The following ECEL1 variants were observed in gnomAD, a reference collection of about 807,000 sequenced individuals.
ECEL1 encodes endothelin converting enzyme like 1, also known as endothelin-converting enzyme-like 1.
ECEL1 carries 87 observed loss-of-function variants against 101.8 expected under a neutral mutation model. That is an observed-to-expected ratio of 0.85 (90% confidence interval 0.72 to 1.02). ECEL1 has a LOEUF of 1.02. ECEL1 is among the 50% of genes least tolerant of loss of function. The probability of loss-of-function intolerance (pLI) is 0.00; values close to 1 mark genes in which losing one functional copy is unlikely to be tolerated. For synonymous variants in ECEL1, 487 were observed against 468.7 expected, an observed-to-expected ratio of 1.04 and a Z score of -0.50; for missense variants, 1,032 against 1,079.2, an observed-to-expected ratio of 0.96 and a Z score of 0.61.
At position 232,486,041 on chromosome 2, in the gene ECEL1, T is replaced by A; in HGVS notation, c.613A>T (p.Ile205Phe). 1.9e-6 allele frequency: 3 copies of A among 1,609,222 alleles called. No individual in the cohort carries two copies. The highest frequency in any genetic ancestry group is 2.5e-6 in the Non-Finnish European group (3 of 1,178,708). Residue 205 changes from isoleucine to phenylalanine, a missense_variant, in exon 2 of 18, where the codon ATC becomes TTC. By Grantham distance (21) the Ile-to-Phe change is conservative. Transcript: ENST00000304546. ...RLGPRPMLEVIEDCGGWDLGG... is the reference protein window; with the variant it reads ...RLGPRPMLEVFEDCGGWDLGG... ...AGGTCCCAGCCCCCGCAGTCCTCGATGACCTCTAGCATGGGTCGCGGGCCC... is the reference window on the plus strand; with the variant it reads ...AGGTCCCAGCCCCCGCAGTCCTCGAAGACCTCTAGCATGGGTCGCGGGCCC...
At position 232,479,914 on chromosome 2, in the gene ECEL1, C is replaced by T. The variant is rs528688737; in HGVS notation, c.*239G>A. On this transcript the variant is annotated 3_prime_UTR_variant, in exon 18 of 18. Coordinates refer to ENST00000304546, the MANE Select transcript of ECEL1 (RefSeq NM_004826.4). Reference sequence around the variant, plus strand: ...CAATCCAGCCTGGCAGAGGGTCTGGCCCCCTTAGAGCAGAATCTGGGGACC... The same window carrying T: ...CAATCCAGCCTGGCAGAGGGTCTGGTCCCCTTAGAGCAGAATCTGGGGACC... The T allele has an allele frequency of 5.9e-4, 337 of 572,668 alleles. 2 individuals are homozygous for T. Among genetic ancestry groups the T allele is most frequent in the Middle Eastern group, 4.7e-4 (1 of 2,136 alleles). 35.5% of individuals were successfully genotyped at this position (572,668 alleles called of 1,614,324 possible).
In ECEL1 at chr2:232,486,126, G is replaced by A; in HGVS notation, c.528C>T (p.Ala176=). ...ARPGGGPGGA[A]QRKVRAFFRS... ...GGAAGAAGGCGCGCACCTTGCGCTG[G>A]GCCGCGCCGCCAGGCCCACCCCCGG... Residue 176 remains alanine (A), a synonymous_variant, in exon 2 of 18, where the codon GCC becomes GCT. Transcript: ENST00000304546. 6.4e-7 allele frequency: 1 copy of A among 1,567,760 alleles called. No homozygotes were observed. Among genetic ancestry groups the A allele is most frequent in the East Asian group, 2.3e-5 (1 of 42,612 alleles).
rs776303095 is a variant in ECEL1, at chr2:232,483,099, G to A, written c.1581+6C>T. 12 of 1,608,872 alleles carry A rather than the reference G, an allele frequency of 7.5e-6. No individual in the cohort carries two copies. In the South Asian group the frequency reaches 1.2e-4, roughly 16 times the overall value. On this transcript the variant is annotated splice_donor_region_variant and intron_variant, in intron 9 of 17. Coordinates refer to ENST00000304546, the MANE Select transcript of ECEL1 (RefSeq NM_004826.4). ...GACAGGCTGGGCAGGCAGGGTCAGG[G>A]CCCACCTCATACTCCTTGTCCACAG...
In ECEL1 at chr2:232,484,141, C is replaced by G. The variant is rs41265123; in HGVS notation, c.1267G>C (p.Glu423Gln). The G allele has an allele frequency of 0.017, 27,740 of 1,613,730 alleles. 311 individuals are homozygous for G. Among genetic ancestry groups the G allele is most frequent in the Non-Finnish European group, 0.021 (24,420 of 1,180,022 alleles). The change falls in exon 7 of 18, where the codon GAG (glutamate) becomes CAG (glutamine). Residue 423 changes from glutamate to glutamine, a missense_variant. Glu to Gln is a conservative substitution (Grantham distance 29). Transcript: ENST00000304546. ...LSPPFREALH[E>Q]LAQEMEGSDK... ...CTGCCCTCCATCTCCTGTGCCAGCT[C>G]GTGCAGTGCCTCACGGAATGGCGGG...
intron 14 of ECEL1, 74 bp from the exon 15 acceptor site, chr2:232,481,230 C>T (rs985868502): frequency 2.0e-6 from 3 of 1,516,074 alleles, no homozygotes; most frequent in African/African-American, 2.8e-5. Context: ...TACCCTGGGC[C>T]CCAGCCCCTA....
Position 232,480,414 on chromosome 2 carries a change from G to T in ECEL1, c.2213C>A (p.Ala738Asp), listed in dbSNP as rs770543976. 2 of 1,613,920 alleles carry T rather than the reference G, an allele frequency of 1.2e-6. No individual in the cohort carries two copies. Among genetic ancestry groups the T allele is most frequent in the Non-Finnish European group, 1.7e-6 (2 of 1,180,016 alleles). Residue 738 changes from alanine to aspartate, a missense_variant, in exon 17 of 18, where the codon GCC (alanine) becomes GAC (aspartate). Transcript: ENST00000304546. ...IYLQVLTDKH[A>D]PEHYRVLGSV... ...GTGGGCATACCTGTAGTGCTCAGGG[G>T]CATGCTTGTCAGTCAGCACCTGCAG...
chr2:232,481,581 G>A lies in ECEL1; in HGVS notation c.1914C>T (p.Ala638=). ...SGNLLHWWTE[A]SYSRFLRKAE... Reference sequence around the variant, plus strand: ...CCTTTCGCAGGAAGCGGCTGTAGGAGGCCTCCGTCCACCAGTGCAGCAGGT... The same window carrying A: ...CCTTTCGCAGGAAGCGGCTGTAGGAAGCCTCCGTCCACCAGTGCAGCAGGT... Residue 638 remains alanine (A), a synonymous_variant, in exon 14 of 18, where the codon GCC becomes GCT. Coordinates refer to ENST00000304546, the MANE Select transcript of ECEL1 (RefSeq NM_004826.4). 6.2e-7 allele frequency: 1 copy of A among 1,613,838 alleles called. No individual in the cohort carries two copies. Among genetic ancestry groups the A allele is most frequent in the Non-Finnish European group, 8.5e-7 (1 of 1,180,016 alleles).
intron 5 of ECEL1, 89 bp downstream of exon 5, chr2:232,484,712 T>C: frequency 2.5e-6 from 4 of 1,603,390 alleles, no homozygotes; most frequent in South Asian, 2.2e-5. Flanking sequence ...AGGAACGGTT[T>C]GCCCATCTCT....
Position 232,480,459 on chromosome 2 carries a change from C to T in ECEL1, c.2168G>A (p.Arg723Gln), listed in dbSNP as rs756783754. ...IAFAQNWCIK[R>Q]RSQSIYLQVL... ...CTGCAGGTAGATGGACTGCGACCGC[C>T]GCTTGATGCACCAGTTCTGGGTCCA... Residue 723 changes from arginine to glutamine, a missense_variant, in exon 17 of 18, where the codon CGG becomes CAG. Arg to Gln is a conservative substitution (Grantham distance 43, BLOSUM62 1). Transcript: ENST00000304546. The T allele has an allele frequency of 9.9e-6, 16 of 1,613,808 alleles. No homozygotes were observed. The East Asian group carries it at 2.0e-4, about 20-fold the overall frequency.
rs1389718829 is a variant in ECEL1 at position 232,480,144 on chromosome 2, C to A, written c.*9G>T. 1.2e-6 allele frequency: 2 copies of A among 1,613,330 alleles called. No individual in the cohort carries two copies. The highest frequency in any genetic ancestry group is 2.2e-5 in the East Asian group (1 of 44,850). ...GGGGCAGTGGGGGCGTGCAGGCGGG[C>A]AGCCAGGCTCACCACACGGAACACT... is the stretch of plus-strand genomic sequence containing the variant. On this transcript the variant is annotated 3_prime_UTR_variant, in exon 18 of 18. Transcript: ENST00000304546.
At position 232,482,935 on chromosome 2, in the gene ECEL1, G is replaced by A. The variant is rs775813200; in HGVS notation, c.1601C>T (p.Thr534Ile). Residue 534 changes from threonine (T) to isoleucine (I), a missense_variant, in exon 10 of 18, where the codon ACC (threonine) becomes ATC (isoleucine). Transcript: ENST00000304546. Reference protein sequence around the residue: ...KEYEFEVHEKTYFKNILNSIR... With the variant: ...KEYEFEVHEKIYFKNILNSIR... Reference sequence around the variant, plus strand: ...GCTGTTCAAGATGTTCTTGAAGTAGGTCTTCTCATGGACCTCAAACTGCAG... The same window carrying A: ...GCTGTTCAAGATGTTCTTGAAGTAGATCTTCTCATGGACCTCAAACTGCAG... The A allele has an allele frequency of 1.2e-6, 2 of 1,614,160 alleles. No individual in the cohort carries two copies. The highest frequency in any genetic ancestry group is 2.2e-5 in the East Asian group (1 of 44,888).
rs1690736327 is a variant in ECEL1 at position 232,486,573 on chromosome 2, G to A, written c.81C>T (p.Gly27=). The A allele has an allele frequency of 2.9e-6, 4 of 1,380,758 alleles. No individual in the cohort carries two copies. Among genetic ancestry groups the A allele is most frequent in the Admixed American group, 3.1e-5 (1 of 31,784 alleles). The allele number at this position is 1,380,758 out of a possible 1,614,324, so 85.5% of individuals were successfully genotyped here. A position where few individuals can be genotyped will look rare whatever the true frequency, so the allele number is the denominator to read the frequency against. Residue 27 remains glycine, a synonymous_variant, in exon 2 of 18, where the codon GGC becomes GGT. Transcript: ENST00000304546. ...VKYVSRCGAG[G]ARGASLPPGF... ...CCGGGGGCAGGGAGGCCCCGCGCGC[G>A]CCCCCCGCGCCGCAGCGGCTCACGT... is the stretch of plus-strand genomic sequence containing the variant.
At chr2:232,481,965 A>T in intron 12 of ECEL1, 116 bp from the exon 13 acceptor site, 1 of 1,405,876 alleles carries the variant, frequency 7.1e-7, no homozygotes. Context: ...GGGAGGCCAC[A>T]GAGGCATCCG....
In ECEL1 at chr2:232,482,901, G is replaced by A. The variant is rs761723743; in HGVS notation, c.1635C>T (p.Phe545=). The A allele has an allele frequency of 1.2e-6, 2 of 1,614,202 alleles. No homozygotes were observed. The highest frequency in any genetic ancestry group is 2.2e-5 in the East Asian group (1 of 44,888). Reference sequence around the variant, plus strand: ...TCTTCTTAACTGAGAGCTGGATGCTGAAGCGGATGCTGTTCAAGATGTTCT... The same window carrying A: ...TCTTCTTAACTGAGAGCTGGATGCTAAAGCGGATGCTGTTCAAGATGTTCT... ...YFKNILNSIR[F]SIQLSVKKIR... is the part of the protein sequence containing the mutation. Residue 545 remains phenylalanine, a synonymous_variant, in exon 10 of 18, where the codon TTC becomes TTT. Transcript: ENST00000304546.
Position 232,486,713 on chromosome 2 carries a change from G to T in ECEL1, c.-60C>A, listed in dbSNP as rs1259811176. ...CCTGGGCTACGGGATGCGCGTGGCCGCCGGCCTCCTCGTGGGCCTCCGCAT... is the reference window on the plus strand; with the variant it reads ...CCTGGGCTACGGGATGCGCGTGGCCTCCGGCCTCCTCGTGGGCCTCCGCAT... On this transcript the variant is annotated 5_prime_UTR_variant, in exon 2 of 18. Coordinates refer to ENST00000304546, the MANE Select transcript of ECEL1 (RefSeq NM_004826.4). 9 of 1,393,014 alleles carry T rather than the reference G, an allele frequency of 6.5e-6. No individual in the cohort carries two copies. In the Admixed American group the frequency reaches 9.3e-5, roughly 14 times the overall value. The allele number at this position is 1,393,014 out of a possible 1,614,324, so 86.3% of individuals were successfully genotyped here. A position where few individuals can be genotyped will look rare whatever the true frequency, so the allele number is the denominator to read the frequency against.
chr2:232,481,282 G>A (rs985223228), intron 14 of ECEL1, 126 bp from the exon 15 acceptor site: 15 of 1,359,790 alleles, frequency 1.1e-5, no homozygotes, highest in East Asian at 1.0e-4. Context: ...GAGAGTTTGA[G>A]GGGGGGCTCC....
Position 232,484,610 on chromosome 2 carries a change from G to A in ECEL1, c.1060-14C>T, listed in dbSNP as rs902257168. The A allele has an allele frequency of 3.7e-6, 6 of 1,613,500 alleles. No homozygotes were observed. The African/African-American group carries it at 6.7e-5, about 18-fold the overall frequency. On this transcript the variant is annotated splice_polypyrimidine_tract_variant and intron_variant, in intron 5 of 17. Transcript: ENST00000304546. ...CTTCCACCGCAACTGTGAGACCAAG[G>A]ACAGGGACAGTGAGGCTAGGGTTGG...
chr2:232,481,446 A>G (rs1016421273), intron 14 of ECEL1, 60 bp downstream of exon 14: 3 of 1,556,486 alleles, frequency 1.9e-6, no homozygotes, highest in Non-Finnish European at 2.6e-6. Context: ...GGTGTGCGTG[A>G]TGCTCCCGGC....
intron 6 of ECEL1, 54 bp downstream of exon 6, chr2:232,484,418 C>T: frequency 6.2e-7 from 1 of 1,604,572 alleles, no homozygotes; most frequent in Non-Finnish European, 8.5e-7. Context: ...GTCCAGGGTG[C>T]AGGGGAAGGA....
Sources: gnomAD v4.1 joint callset for allele counts on GRCh38, gnomAD v4.1.1 for gene constraint, MANE v1.5 for transcripts, NCBI Gene and HGNC (gene_info 2026-07-23, HGNC 2026-07-21) for gene names.